Variants in ZNF800 observed in about 807,000 individuals in gnomAD.
ZNF800 encodes zinc finger protein 800.
Under a neutral mutation model 59.5 loss-of-function variants are expected in ZNF800, and 13 were observed. The observed-to-expected ratio is 0.22, with a 90% CI of 0.14 to 0.35. ZNF800 has a LOEUF of 0.35. Among genes scored for constraint, ZNF800 ranks in the 10% least tolerant of loss-of-function variants. ZNF800 has a pLI of 1.00. For missense variants in ZNF800, 621 were observed against 783.7 expected, an observed-to-expected ratio of 0.79 and a Z score of 2.48; for synonymous variants, 266 against 265.7, an observed-to-expected ratio of 1.00 and a Z score of -0.01.
At chr7:127,383,332 T>C (rs1801028552) in intron 3 of ZNF800, among the ~76,000 whole-genome samples, 2 of 152,184 alleles carry the variant, frequency 1.3e-5, no homozygotes, top group South Asian at 4.1e-4. Flanking sequence ...ACCTAACATA[T>C]TACTACCATT....
chr7:127,345,404 G>A (rs1429595576), downstream of ZNF800, among the ~76,000 whole-genome samples: 2 of 152,168 alleles, frequency 1.3e-5, no homozygotes. Context: ...AGGACAGAAA[G>A]GGAGGGTCTA....
At chr7:127,354,916 AT>A (rs1273027651) in intron 1 of ZNF800, among the ~76,000 whole-genome samples, 1 of 152,112 alleles carries the variant, frequency 6.6e-6, no homozygotes, top group Non-Finnish European at 1.5e-5. Context: ...ATTAGCCTTA[AT>A]TTGCAATGAC....
At chr7:127,365,554 C>T (rs1800486986), downstream of ZNF800, among the ~76,000 whole-genome samples, 2 of 150,264 alleles carry the variant, frequency 1.3e-5, no homozygotes, top group Non-Finnish European at 2.9e-5. Flanking sequence ...TTTACCAAAA[C>T]AAAACAAAAC....
chr7:127,389,808 T>G (rs962080711), intron 2 of ZNF800, among the ~76,000 whole-genome samples: 1 of 152,108 alleles, frequency 6.6e-6, no homozygotes, highest in African/African-American at 2.4e-5. Context: ...TCTGAGTTCC[T>G]GCTAGTTGGG....
At chr7:127,366,037 A>C (rs1288492119), downstream of ZNF800, among the ~76,000 whole-genome samples, 1 of 152,102 alleles carries the variant, frequency 6.6e-6, no homozygotes, top group Non-Finnish European at 1.5e-5. Context: ...GGTAGTTTCT[A>C]ATATAATCAT....
downstream of ZNF800, among the ~76,000 whole-genome samples, chr7:127,344,506 T>C (rs7805194): frequency 0.78 from 118,102 of 151,908 alleles, 46,164 homozygotes; most frequent in East Asian, 0.94. Context: ...TCTTTTGGAA[T>C]GTGACCAAAA....
downstream of ZNF800, among the ~76,000 whole-genome samples, chr7:127,365,249 T>C (rs753323586): frequency 6.6e-6 from 1 of 152,000 alleles, no homozygotes; most frequent in Non-Finnish European, 1.5e-5. Flanking sequence ...GTTCACACAA[T>C]GAAGGCAGGC....
chr7:127,374,007 T>C lies in ZNF800; in HGVS notation c.1329A>G (p.Thr443=), dbSNP rs17868513. 6.8e-6 allele frequency: 11 copies of C among 1,613,860 alleles called. No homozygotes were observed. In the Admixed American group the frequency reaches 1.3e-4, roughly 20 times the overall value. The change falls in exon 5 of 6, where the codon ACA becomes ACG. Residue 443 remains threonine (T), a synonymous_variant. Coordinates refer to ENST00000265827, the MANE Select transcript of ZNF800 (RefSeq NM_176814.5). ...TAACTTTATTTTTCTGTGCTGCCGG[T>C]GTGTTCTTTTTTTCATTTGAATGAT... The part of the protein sequence containing the change: ...GTNHSNEKKN[T]PAAQKNKVKQ...
At chr7:127,345,725 A>G (rs982415020), downstream of ZNF800, among the ~76,000 whole-genome samples, 1 of 152,232 alleles carries the variant, frequency 6.6e-6, no homozygotes, top group African/African-American at 2.4e-5. Context: ...CCTAAAAGCA[A>G]CAATTTGCTT....
chr7:127,364,871 A>AGATG (rs535694370), intron 1 of ZNF800: 2 of 152,130 alleles, frequency 1.3e-5, no homozygotes, highest in Non-Finnish European at 2.9e-5. Context: ...AAGGAAGCAA[A>AGATG]GATGGGGTTG....
rs1182603332 is a variant in ZNF800 at position 127,359,700 on chromosome 7, G to C, written n.225-11657C>G. The C allele has an allele frequency of 2.0e-5, 3 of 151,946 alleles. No homozygotes were observed. In the East Asian group the frequency reaches 5.8e-4, roughly 29 times the overall value. 9.4% of individuals were successfully genotyped at this position (151,946 alleles called of 1,614,324 possible). On this transcript the variant is annotated intron_variant and non_coding_transcript_variant, in intron 1 of 1. Transcript: ENST00000485577. ...TATTTGACCTCAGAGGACCATAGCTGACAGGAGGATCGGAAATGAGAAATT... is the reference window on the plus strand; with the variant it reads ...TATTTGACCTCAGAGGACCATAGCTCACAGGAGGATCGGAAATGAGAAATT...
intron 1 of ZNF800, among the ~76,000 whole-genome samples, chr7:127,357,122 G>A (rs11563467): frequency 0.13 from 19,896 of 151,972 alleles, 1,627 homozygotes; most frequent in Middle Eastern, 0.21. Context: ...CTGGCCTGGA[G>A]GTACGTGGTG....
chr7:127,390,860 T>C (rs17862373), intron 2 of ZNF800, among the ~76,000 whole-genome samples: 49,373 of 152,142 alleles, frequency 0.32, 9,276 homozygotes, highest in East Asian at 0.75. Flanking sequence ...GAAAAACTTT[T>C]TCATATGATA....
Position 127,371,409 on chromosome 7 carries a change from C to G in ZNF800, c.*405G>C, listed in dbSNP as rs1800628277. 1 of 158,700 alleles carries G rather than the reference C, an allele frequency of 6.3e-6. No homozygotes were observed. The highest frequency in any genetic ancestry group is 2.4e-5 in the African/African-American group (1 of 41,714). The allele number at this position is 158,700 out of a possible 1,614,324, so 9.8% of individuals were successfully genotyped here. On this transcript the variant is annotated 3_prime_UTR_variant, in exon 6 of 6. Coordinates refer to ENST00000265827, the MANE Select transcript of ZNF800 (RefSeq NM_176814.5). ...GAAAATGTTGCCAAATAAAGAGAAACAAAACTAAAATCACTAAGATATAAA... is the reference window on the plus strand; with the variant it reads ...GAAAATGTTGCCAAATAAAGAGAAAGAAAACTAAAATCACTAAGATATAAA...
At chr7:127,379,934 C>G (rs943244419) in intron 3 of ZNF800, among the ~76,000 whole-genome samples, 17 of 142,940 alleles carry the variant, frequency 1.2e-4, no homozygotes, top group Middle Eastern at 3.6e-3. Flanking sequence ...TCCAAGCAGT[C>G]CAGATTTCTT....
downstream of ZNF800, among the ~76,000 whole-genome samples, chr7:127,366,733 G>A (rs1394009693): frequency 6.6e-6 from 1 of 151,982 alleles, no homozygotes; most frequent in Non-Finnish European, 1.5e-5. Context: ...TCCTTCTATG[G>A]GGCCCAGGGC....
At chr7:127,352,864 G>A (rs1316588928) in intron 1 of ZNF800, among the ~76,000 whole-genome samples, 1 of 151,392 alleles carries the variant, frequency 6.6e-6, no homozygotes, top group Non-Finnish European at 1.5e-5. Flanking sequence ...CTGTCCTGCT[G>A]TCCACCTTCT....
At chr7:127,363,154 A>G (rs755986308) in intron 1 of ZNF800, 1 of 152,082 alleles carries the variant, frequency 6.6e-6, no homozygotes, top group African/African-American at 2.4e-5. Flanking sequence ...ATAAGTTTGG[A>G]TTACTGAGTT....
chr7:127,354,809 A>C (rs887612442), intron 1 of ZNF800, among the ~76,000 whole-genome samples: 20 of 152,140 alleles, frequency 1.3e-4, no homozygotes, highest in African/African-American at 4.8e-4. Flanking sequence ...TCTCCATTTT[A>C]AAATACTAAA....
Sources: allele counts gnomAD v4.1 joint callset (sites outside exome capture counted in the v4.1 genomes callset), GRCh38; gene constraint gnomAD v4.1.1; transcripts MANE v1.5; gene names NCBI Gene and HGNC (gene_info 2026-07-23, HGNC 2026-07-21).